Variants in PRKCE observed in about 807,000 individuals in gnomAD.
PRKCE encodes the protein protein kinase C epsilon type.
A neutral mutation model predicts 85.4 loss-of-function variants in PRKCE; 16 were observed. That is an observed-to-expected ratio of 0.19 (90% CI 0.13 to 0.28). The LOEUF (loss-of-function observed/expected upper bound fraction) is 0.28, where lower values mean the gene tolerates loss of function less well. Ranked by LOEUF, PRKCE falls within the 10% of genes least tolerant of loss-of-function variation. The probability of loss-of-function intolerance (pLI) is 1.00; values close to 1 mark genes in which losing one functional copy is unlikely to be tolerated. For synonymous variants in PRKCE, 388 were observed against 371.5 expected (o/e 1.04, Z -0.51); for missense variants, 573 against 975.2 (o/e 0.59, Z 5.49).
intron 1 of PRKCE, among the ~76,000 whole-genome samples, chr2:45,819,444 G>A (rs1689344665): frequency 6.6e-6 from 1 of 152,198 alleles, no homozygotes; most frequent in Non-Finnish European, 1.5e-5. Flanking sequence ...CCATAGCATG[G>A]ACCCAAGAGG....
At chr2:45,911,888 T>C (rs1349512961) in intron 2 of PRKCE, among the ~76,000 whole-genome samples, 1 of 152,174 alleles carries the variant, frequency 6.6e-6, no homozygotes, top group East Asian at 1.9e-4. Flanking sequence ...ATAGTGTGTG[T>C]CCTGGTCTCT....
intron 1 of PRKCE, among the ~76,000 whole-genome samples, chr2:45,688,001 A>C (rs1242755369): frequency 6.6e-6 from 1 of 152,196 alleles, no homozygotes; most frequent in Non-Finnish European, 1.5e-5. Context: ...GCTCCTCCCC[A>C]CTAGGAATCT....
At chr2:45,939,500 C>A (rs1699724576) in intron 2 of PRKCE, among the ~76,000 whole-genome samples, 1 of 152,278 alleles carries the variant, frequency 6.6e-6, no homozygotes. Flanking sequence ...ACATTTCAAC[C>A]CCAAGTCACT....
chr2:45,827,439 G>A (rs1323955192), intron 1 of PRKCE, among the ~76,000 whole-genome samples: 1 of 152,184 alleles, frequency 6.6e-6, no homozygotes, highest in Non-Finnish European at 1.5e-5. Flanking sequence ...AGATCGTGGT[G>A]TGGGCTTGAG....
intron 2 of PRKCE, among the ~76,000 whole-genome samples, chr2:45,910,932 T>G (rs1697338593): frequency 2.0e-5 from 3 of 152,076 alleles, no homozygotes; most frequent in Admixed American, 1.3e-4. Context: ...GTTTGCTGAG[T>G]GTCTTGGGTG....
chr2:45,919,920 T>C (rs1032832213), intron 2 of PRKCE, among the ~76,000 whole-genome samples: 1 of 152,112 alleles, frequency 6.6e-6, no homozygotes. Flanking sequence ...TGGAAAAGGG[T>C]GCGTGAGTGG....
intron 9 of PRKCE, among the ~76,000 whole-genome samples, chr2:46,008,534 C>G (rs972939486): frequency 6.6e-6 from 1 of 152,082 alleles, no homozygotes; most frequent in Non-Finnish European, 1.5e-5. Context: ...GCTCTGGGGA[C>G]CAGGAAGCTC....
chr2:46,023,933 T>C (rs1706890993), intron 10 of PRKCE, among the ~76,000 whole-genome samples: 1 of 152,176 alleles, frequency 6.6e-6, no homozygotes, highest in Non-Finnish European at 1.5e-5. Flanking sequence ...ACTTGGAGCA[T>C]TTTACACGTA....
In PRKCE at chr2:46,082,967, A is replaced by G. The variant is rs150078645; in HGVS notation, c.1438-3241A>G. ...ACTCAATCATCCTGATTTTTTTTTG[A>G]GACGGAGTTTCTCTCTGTCACCCAG... On this transcript the variant is annotated intron_variant, in intron 10 of 14. Coordinates refer to ENST00000306156, the MANE Select transcript of PRKCE (RefSeq NM_005400.3). Among the ~76,000 whole-genome samples, 1,075 of 151,832 alleles carry G rather than the reference A, an allele frequency of 7.1e-3. 17 individuals are homozygous for G. The highest frequency in any genetic ancestry group is 0.036 in the East Asian group (185 of 5,176).
At position 45,976,439 on chromosome 2, in the gene PRKCE, C is replaced by T; in HGVS notation, c.423C>T (p.Asp141=). ...LSGSSGEAPK[D]NEERVFRERM... The stretch of plus-strand genomic sequence containing the variant: ...CTTGTCCTTCCCCAGCCCCTAAAGA[C>T]AATGAAGAGCGTGTGTTCAGGGAAC... Residue 141 remains aspartate (D), a synonymous_variant, in exon 3 of 15, where the codon GAC becomes GAT. Transcript: ENST00000306156. 1 of 1,599,714 alleles carries T rather than the reference C, an allele frequency of 6.3e-7. No individual in the cohort carries two copies. Among genetic ancestry groups the T allele is most frequent in the Non-Finnish European group, 8.5e-7 (1 of 1,179,914 alleles).
chr2:45,872,069 G>A (rs1694134446), intron 2 of PRKCE, among the ~76,000 whole-genome samples: 1 of 150,470 alleles, frequency 6.6e-6, no homozygotes, highest in Admixed American at 6.7e-5. Context: ...TTCTGGTTGA[G>A]GAGATAGATT....
At chr2:46,055,386 G>A (rs576241003) in intron 10 of PRKCE, among the ~76,000 whole-genome samples, 1 of 152,204 alleles carries the variant, frequency 6.6e-6, no homozygotes, top group African/African-American at 2.4e-5. Context: ...GCACCGAAGC[G>A]GCTGGCTAGT....
chr2:45,976,339 C>G, intron 2 of PRKCE, 90 bp from the exon 3 acceptor site: 4 of 1,452,948 alleles, frequency 2.8e-6, no homozygotes, highest in Middle Eastern at 4.5e-4. Flanking sequence ...CTCCACTCCC[C>G]CAGGGATGGA....
chr2:45,778,506 C>T (rs1047360776), intron 1 of PRKCE, among the ~76,000 whole-genome samples: 12 of 152,090 alleles, frequency 7.9e-5, no homozygotes, highest in Non-Finnish European at 1.3e-4. Flanking sequence ...GCTGGTGTTC[C>T]GCCTTTGAGA....
intron 8 of PRKCE, among the ~76,000 whole-genome samples, chr2:46,006,347 G>A (rs763347105): frequency 3.9e-5 from 6 of 152,194 alleles, no homozygotes; most frequent in Non-Finnish European, 8.8e-5. Flanking sequence ...AGTGATAGGT[G>A]GATAACTGCT....
intron 11 of PRKCE, among the ~76,000 whole-genome samples, chr2:46,112,924 T>A (rs11687236): frequency 0.41 from 63,080 of 152,018 alleles, 14,428 homozygotes; most frequent in East Asian, 0.53. Context: ...TGTAGGTTGC[T>A]TCTTAATTTC....
intron 14 of PRKCE, among the ~76,000 whole-genome samples, chr2:46,183,818 G>A (rs555848895): frequency 3.3e-5 from 5 of 152,220 alleles, no homozygotes; most frequent in African/African-American, 7.2e-5. Flanking sequence ...TAACTAAAGC[G>A]ATGTGTTCTA....
intron 10 of PRKCE, among the ~76,000 whole-genome samples, chr2:46,023,893 CTA>C (rs35690933): frequency 0.67 from 101,159 of 151,922 alleles, 35,899 homozygotes; most frequent in African/African-American, 0.91. Context: ...GCAGGAATTT[CTA>C]TATAGTGTTC....
chr2:45,782,037 A>G (rs2105010430), intron 1 of PRKCE, among the ~76,000 whole-genome samples: 1 of 152,298 alleles, frequency 6.6e-6, no homozygotes. Flanking sequence ...TATCAAAATT[A>G]TTTTATTTTT....
Sources: allele counts gnomAD v4.1 joint callset (sites outside exome capture counted in the v4.1 genomes callset), GRCh38; gene constraint gnomAD v4.1.1; transcripts MANE v1.5; gene names NCBI Gene and HGNC (gene_info 2026-07-23, HGNC 2026-07-21).